The following CYP26A1 variants were observed in gnomAD, a reference collection of about 807,000 sequenced individuals.
CYP26A1 encodes cytochrome P450 family 26 subfamily A member 1.
A neutral mutation model predicts 47.4 loss-of-function variants in CYP26A1; 46 were observed. The ratio of observed to expected loss-of-function variants is 0.97; its 90% CI spans 0.77 to 1.24. The LOEUF (loss-of-function observed/expected upper bound fraction) is 1.24. Among genes scored for constraint, CYP26A1 ranks in the 50% most tolerant of loss-of-function variants. The pLI, the probability that CYP26A1 is intolerant of heterozygous loss-of-function variation, is 0.00. For synonymous variants in CYP26A1, 277 were observed against 263.7 expected (o/e 1.05, Z -0.49); for missense variants, 680 against 644.4 (o/e 1.06, Z -0.60).
rs1441113066 is a variant in CYP26A1, at chr10:93,074,540, C to T, written c.414+8C>T. On this transcript the variant is annotated splice_region_variant and intron_variant, in intron 2 of 6. Coordinates refer to ENST00000224356, the MANE Select transcript of CYP26A1 (RefSeq NM_000783.4). The surrounding 1 kb of genome is among the most constrained non-coding windows in gnomAD (Gnocchi z 5.3). The stretch of plus-strand genomic sequence containing the variant: ...CACAAGCAGCGCAAGAAGGTGGGGG[C>T]AGGAGGCGACGGCTGGACAGGGAGG... The T allele has an allele frequency of 6.5e-7, 1 of 1,533,198 alleles. No individual in the cohort carries two copies. Among genetic ancestry groups the T allele is most frequent in the African/African-American group, 1.4e-5 (1 of 73,456 alleles). The allele number at this position is 1,533,198 out of a possible 1,614,324, so 95.0% of individuals were successfully genotyped here.
At position 93,074,705 on chromosome 10, in the gene CYP26A1, T is replaced by C; in HGVS notation, c.415-74T>C. 1 of 1,303,950 alleles carries C rather than the reference T, an allele frequency of 7.7e-7. No individual in the cohort carries two copies. Among genetic ancestry groups the C allele is most frequent in the Non-Finnish European group, 1.1e-6 (1 of 932,084 alleles). 80.8% of individuals were successfully genotyped at this position (1,303,950 alleles called of 1,614,324 possible). On this transcript the variant is annotated intron_variant, in intron 2 of 6. Transcript: ENST00000224356. This position sits in a 1 kb window ranked among gnomAD's most constrained non-coding sequence, Gnocchi z 5.3. ...GCCATGTGTCTGGCAGGACTGGGGG[T>C]GTCTGGAAGGGGACGGCGGTAGACG... is the stretch of plus-strand genomic sequence containing the variant.
intron 6 of CYP26A1, 42 bp downstream of exon 6, chr10:93,076,738 A>T: frequency 1.4e-6 from 2 of 1,438,368 alleles, no homozygotes; most frequent in Middle Eastern, 1.8e-4. Flanking sequence ...GTTGTGGTTT[A>T]AAAACTCCTC....
At position 93,074,131 on chromosome 10, in the gene CYP26A1, A is replaced by AG; in HGVS notation, c.189+11dup. 3.3e-6 allele frequency: 1 copy of AG among 307,244 alleles called. No individual in the cohort carries two copies. Among genetic ancestry groups the AG allele is most frequent in the Admixed American group, 4.9e-5 (1 of 20,506 alleles). 19.0% of individuals were successfully genotyped at this position (307,244 alleles called of 1,614,324 possible). A position where few individuals can be genotyped will look rare whatever the true frequency, so the allele number is the denominator to read the frequency against. On this transcript the variant is annotated intron_variant, in intron 1 of 6. Coordinates refer to ENST00000224356, the MANE Select transcript of CYP26A1 (RefSeq NM_000783.4). The surrounding 1 kb of genome is among the most constrained non-coding windows in gnomAD (Gnocchi z 5.3). ...TTGCAGATGGTACTGCAGGTAAGGG[A>AG]GGGTGGGGCGGGACAGGCTGCTTCC...
chr10:93,073,632 A>G, upstream of CYP26A1: 1 of 430,156 alleles, frequency 2.3e-6, no homozygotes, highest in South Asian at 3.4e-5. Context: ...CTCGGAGCTC[A>G]GCACACCTTG....
chr10:93,075,634 C>T (rs913081039), intron 4 of CYP26A1, 192 bp from the exon 5 acceptor site: 6 of 591,188 alleles, frequency 1.0e-5, no homozygotes, highest in Non-Finnish European at 1.8e-5. Flanking sequence ...CGGGGTCGTA[C>T]TCGCCTTACT....
Position 93,077,011 on chromosome 10 carries a change from A to G in CYP26A1, c.1201A>G (p.Thr401Ala), listed in dbSNP as rs1295095206. 1 of 1,613,382 alleles carries G rather than the reference A, an allele frequency of 6.2e-7. No homozygotes were observed. Among genetic ancestry groups the G allele is most frequent in the East Asian group, 2.2e-5 (1 of 44,882 alleles). The change falls in exon 7 of 7, where the codon ACT becomes GCT. Residue 401 changes from threonine (T) to alanine (A), a missense_variant. Coordinates refer to ENST00000224356, the MANE Select transcript of CYP26A1 (RefSeq NM_000783.4). ...GWNVIYSICD[T>A]HDVAEIFTNK... ...GAATGTTATCTACAGTATCTGTGAT[A>G]CTCATGATGTGGCAGAGATCTTCAC...
chr10:93,077,381 ATTT>A lies in CYP26A1; in HGVS notation c.*78_*80del, dbSNP rs1315898671. 2 of 616,828 alleles carry A rather than the reference ATTT, an allele frequency of 3.2e-6. No homozygotes were observed. Among genetic ancestry groups the A allele is most frequent in the East Asian group, 6.1e-5 (2 of 32,684 alleles). 38.2% of individuals were successfully genotyped at this position (616,828 alleles called of 1,614,324 possible). A position where few individuals can be genotyped will look rare whatever the true frequency, so the allele number is the denominator to read the frequency against. On this transcript the variant is annotated 3_prime_UTR_variant, in exon 7 of 7. Transcript: ENST00000224356. ...TTAAGGAGTGTTGTGTTGACTTTAT[ATTT>A]AATTTCTAAATGTATATTATAATAT...
At position 93,074,068 on chromosome 10, in the gene CYP26A1, C is replaced by T. The variant is rs1474175646; in HGVS notation, c.134C>T (p.Pro45Leu). Reference sequence around the variant, plus strand: ...GACCGCAGTTGTGCCCTCCCATTGCCCCCCGGGACTATGGGCTTCCCCTTC... The same window carrying T: ...GACCGCAGTTGTGCCCTCCCATTGCTCCCCGGGACTATGGGCTTCCCCTTC... ...GRDRSCALPL[P>L]PGTMGFPFFG... The change falls in exon 1 of 7, where the codon CCC becomes CTC. Residue 45 changes from proline to leucine, a missense_variant. Transcript: ENST00000224356. The surrounding 1 kb of genome is among the most constrained non-coding windows in gnomAD (Gnocchi z 5.3). 4 of 1,599,122 alleles carry T rather than the reference C, an allele frequency of 2.5e-6. No individual in the cohort carries two copies. The highest frequency in any genetic ancestry group is 1.1e-5 in the South Asian group (1 of 89,222).
Position 93,077,341 on chromosome 10 carries a change from T to A in CYP26A1, c.*37T>A, listed in dbSNP as rs760287077. ...GTTCAAACCTGAGACTTATTGGAAG[T>A]GTACATATGAGTTTTTAAGGAGTGT... On this transcript the variant is annotated 3_prime_UTR_variant, in exon 7 of 7. Transcript: ENST00000224356. 1.6e-6 allele frequency: 2 copies of A among 1,237,172 alleles called. No homozygotes were observed. The highest frequency in any genetic ancestry group is 2.4e-5 in the East Asian group (1 of 42,030). 76.6% of individuals were successfully genotyped at this position (1,237,172 alleles called of 1,614,324 possible). A position where few individuals can be genotyped will look rare whatever the true frequency, so the allele number is the denominator to read the frequency against.
Position 93,076,575 on chromosome 10 carries a change from A to G in CYP26A1, c.1031A>G (p.Lys344Arg), listed in dbSNP as rs1310464551. 2.5e-6 allele frequency: 4 copies of G among 1,609,538 alleles called. No homozygotes were observed. The South Asian group carries it at 4.4e-5, about 18-fold the overall frequency. ...GLLCKSNQDN[K>R]LDMEILEQLK... The stretch of plus-strand genomic sequence containing the variant: ...CTTTGCAAGAGCAATCAAGACAACA[A>G]GTTGGACATGGAAATTTTGGAACAA... The change falls in exon 6 of 7, where the codon AAG (lysine) becomes AGG (arginine). Residue 344 changes from lysine to arginine, a missense_variant. Physicochemically the swap from Lys to Arg is conservative, Grantham distance 26. Transcript: ENST00000224356.
At chr10:93,076,900 C>CT (rs1037964029) in intron 6 of CYP26A1, 63 bp from the exon 7 acceptor site, 4 of 1,191,802 alleles carry the variant, frequency 3.4e-6, no homozygotes, top group Non-Finnish European at 3.6e-6. Flanking sequence ...TCAGTGACTG[C>CT]TTTTTGTTGT....
At chr10:93,073,505 C>A (rs1381500380), upstream of CYP26A1, 1 of 181,474 alleles carries the variant, frequency 5.5e-6, no homozygotes, top group Non-Finnish European at 1.1e-5. Flanking sequence ...CCAGTGAAGG[C>A]TGCTTTGGGC....
At position 93,074,060 on chromosome 10, in the gene CYP26A1, C is replaced by A; in HGVS notation, c.126C>A (p.Leu42=). Residue 42 remains leucine (L), a synonymous_variant, in exon 1 of 7, where the codon CTC becomes CTA. Transcript: ENST00000224356. This position sits in a 1 kb window ranked among gnomAD's most constrained non-coding sequence, Gnocchi z 5.3. ...CVSGRDRSCA[L]PLPPGTMGFP... The stretch of plus-strand genomic sequence containing the variant: ...GCGGCCGCGACCGCAGTTGTGCCCT[C>A]CCATTGCCCCCCGGGACTATGGGCT... 2 of 1,602,366 alleles carry A rather than the reference C, an allele frequency of 1.2e-6. No homozygotes were observed. The highest frequency in any genetic ancestry group is 2.3e-5 in the East Asian group (1 of 44,298).
At position 93,074,088 on chromosome 10, in the gene CYP26A1, C is replaced by A. The variant is rs1400462247; in HGVS notation, c.154C>A (p.Pro52Thr). The A allele has an allele frequency of 3.2e-6, 5 of 1,578,808 alleles. No individual in the cohort carries two copies. Among genetic ancestry groups the A allele is most frequent in the Non-Finnish European group, 3.4e-6 (4 of 1,159,910 alleles). The change falls in exon 1 of 7, where the codon CCC becomes ACC. Residue 52 changes from proline (P) to threonine (T), a missense_variant. Pro to Thr is a conservative substitution (Grantham distance 38, BLOSUM62 -1). Coordinates refer to ENST00000224356, the MANE Select transcript of CYP26A1 (RefSeq NM_000783.4). This position sits in a 1 kb window ranked among gnomAD's most constrained non-coding sequence, Gnocchi z 5.3. ...ATTGCCCCCCGGGACTATGGGCTTC[C>A]CCTTCTTTGGGGAAACCTTGCAGAT... ...LPLPPGTMGF[P>T]FFGETLQMVL...
In CYP26A1 at chr10:93,074,716, G is replaced by T; in HGVS notation, c.415-63G>T. ...GGCAGGACTGGGGGTGTCTGGAAGGGGACGGCGGTAGACGAGAGGGGCGGA... is the reference window on the plus strand; with the variant it reads ...GGCAGGACTGGGGGTGTCTGGAAGGTGACGGCGGTAGACGAGAGGGGCGGA... On this transcript the variant is annotated intron_variant, in intron 2 of 6. Coordinates refer to ENST00000224356, the MANE Select transcript of CYP26A1 (RefSeq NM_000783.4). This position sits in a 1 kb window ranked among gnomAD's most constrained non-coding sequence, Gnocchi z 5.3. 7.1e-7 allele frequency: 1 copy of T among 1,403,850 alleles called. No homozygotes were observed. The highest frequency in any genetic ancestry group is 9.8e-7 in the Non-Finnish European group (1 of 1,019,798). 87.0% of individuals were successfully genotyped at this position (1,403,850 alleles called of 1,614,324 possible). A position where few individuals can be genotyped will look rare whatever the true frequency, so the allele number is the denominator to read the frequency against.
chr10:93,073,956 G>A lies in CYP26A1; in HGVS notation c.22G>A (p.Ala8Thr). The change falls in exon 1 of 7, where the codon GCC (alanine) becomes ACC (threonine). Residue 8 changes from alanine (A) to threonine (T), a missense_variant. Physicochemically the swap from Ala to Thr is moderately conservative, Grantham distance 58. Transcript: ENST00000224356. MGLPALL[A>T]SALCTFVLPL... ...CGCCATGGGGCTCCCGGCGCTGCTG[G>A]CCAGTGCGCTCTGCACCTTCGTGCT... 8.7e-7 allele frequency: 1 copy of A among 1,154,766 alleles called. No individual in the cohort carries two copies. The highest frequency in any genetic ancestry group is 1.3e-6 in the Non-Finnish European group (1 of 767,836). The allele number at this position is 1,154,766 out of a possible 1,614,324, so 71.5% of individuals were successfully genotyped here. A position where few individuals can be genotyped will look rare whatever the true frequency, so the allele number is the denominator to read the frequency against.
In CYP26A1 at chr10:93,076,657, A is replaced by G. The variant is rs575012802; in HGVS notation, c.1113A>G (p.Pro371=). Residue 371 remains proline (P), a synonymous_variant, in exon 6 of 7, where the codon CCA becomes CCG. Transcript: ENST00000224356. Reference sequence around the variant, plus strand: ...CCCTTCGACTGAATCCCCCAGTTCCAGGAGGGTTTCGGGTTGCTCTGAAGA... The same window carrying G: ...CCCTTCGACTGAATCCCCCAGTTCCGGGAGGGTTTCGGGTTGCTCTGAAGA... ...KETLRLNPPV[P]GGFRVALKTF... The G allele has an allele frequency of 1.6e-5, 25 of 1,611,690 alleles. No homozygotes were observed. The East Asian group carries it at 5.6e-4, about 36-fold the overall frequency.
rs910088132 is a variant in CYP26A1, at chr10:93,077,078, A to T, written c.1268A>T (p.His423Leu). 2.5e-6 allele frequency: 4 copies of T among 1,613,596 alleles called. No individual in the cohort carries two copies. In the Admixed American group the frequency reaches 6.7e-5, roughly 27 times the overall value. ...EFNPDRFMLPHPEDASRFSFI... is the reference protein window; with the variant it reads ...EFNPDRFMLPLPEDASRFSFI... ...AATCCTGACCGATTCATGCTGCCTC[A>T]CCCAGAGGATGCATCCAGGTTCAGC... The change falls in exon 7 of 7, where the codon CAC (histidine) becomes CTC (leucine). Residue 423 changes from histidine to leucine, a missense_variant. His to Leu is a moderately conservative substitution (Grantham distance 99, BLOSUM62 -3). Coordinates refer to ENST00000224356, the MANE Select transcript of CYP26A1 (RefSeq NM_000783.4).
Position 93,074,929 on chromosome 10 carries a change from G to T in CYP26A1, c.565G>T (p.Ala189Ser). Reference protein sequence around the residue: ...PEVKRLMFRIAMRILLGCEPQ... With the variant: ...PEVKRLMFRISMRILLGCEPQ... ...GGTGAAGCGCCTCATGTTCCGAATC[G>T]CCATGCGCATCCTACTGGGCTGCGA... Residue 189 changes from alanine (A) to serine (S), a missense_variant, in exon 3 of 7, where the codon GCC (alanine) becomes TCC (serine). Transcript: ENST00000224356. The surrounding 1 kb of genome is among the most constrained non-coding windows in gnomAD (Gnocchi z 5.3). 11 of 1,613,284 alleles carry T rather than the reference G, an allele frequency of 6.8e-6. No homozygotes were observed. The highest frequency in any genetic ancestry group is 9.3e-6 in the Non-Finnish European group (11 of 1,180,026).
Sources: allele counts gnomAD v4.1 joint callset, GRCh38; gene constraint gnomAD v4.1.1; non-coding constraint Gnocchi (gnomAD v3.1); transcripts MANE v1.5; gene names NCBI Gene and HGNC (gene_info 2026-07-23, HGNC 2026-07-21).